The following PSTK variants were observed in gnomAD, a reference collection of about 807,000 sequenced individuals.
The protein encoded by PSTK is L-seryl-tRNA(Sec) kinase.
A neutral mutation model predicts 38.6 loss-of-function variants in PSTK; 26 were observed. The ratio of observed to expected loss-of-function variants is 0.67; its 90% CI spans 0.49 to 0.94. The LOEUF (loss-of-function observed/expected upper bound fraction) is 0.94. PSTK is among the 40% of genes least tolerant of loss of function. The pLI, the probability that PSTK is intolerant of heterozygous loss-of-function variation, is 0.00. For synonymous variants in PSTK, 181 were observed against 161.7 expected (o/e 1.12, Z -0.91); for missense variants, 445 against 436.3 (o/e 1.02, Z -0.18).
intron 3 of PSTK, 53 bp from the exon 4 acceptor site, chr10:122,986,247 A>G: frequency 9.2e-7 from 1 of 1,091,508 alleles, no homozygotes; most frequent in Non-Finnish European, 1.3e-6. Flanking sequence ...AAAAAAAAAA[A>G]GTCAGATGTT....
chr10:122,983,896 C>G (rs1463229566), intron 3 of PSTK: 1 of 165,036 alleles, frequency 6.1e-6, no homozygotes, highest in Non-Finnish European at 1.3e-5. Context: ...GCTATGCTGT[C>G]TAATGCATTT....
intron 5 of PSTK, among the ~76,000 whole-genome samples, chr10:122,989,385 G>T (rs1407107855): frequency 1.3e-5 from 2 of 152,078 alleles, no homozygotes; most frequent in Non-Finnish European, 2.9e-5. Context: ...CCGAGTAGCT[G>T]GGATTACAGG....
intron 5 of PSTK, chr10:122,987,319 T>C (rs931859003): frequency 1.9e-6 from 3 of 1,607,464 alleles, no homozygotes; most frequent in Non-Finnish European, 2.5e-6. Flanking sequence ...GATGGGAGGA[T>C]TTATTTTTAA....
At chr10:122,982,631 A>G (rs1200915534) in intron 1 of PSTK, 102 bp from the exon 2 acceptor site, 1 of 917,088 alleles carries the variant, frequency 1.1e-6, no homozygotes, top group Non-Finnish European at 1.7e-6. Context: ...ATGGTTCCGT[A>G]TTGTGAGCTG....
chr10:122,983,652 G>T (rs1313116861), intron 3 of PSTK, 182 bp downstream of exon 3: 3 of 593,222 alleles, frequency 5.1e-6, no homozygotes, highest in Non-Finnish European at 8.8e-6. Flanking sequence ...TTGAACCCAA[G>T]TTTATTTGCA....
At chr10:122,984,176 T>C (rs1849005085) in intron 3 of PSTK, 1 of 152,312 alleles carries the variant, frequency 6.6e-6, no homozygotes, top group African/African-American at 2.4e-5. Flanking sequence ...AGTTCCTGCA[T>C]ATTGTCCACG....
rs1336178573 is a variant in PSTK, at chr10:122,990,260, G to C, written c.964G>C (p.Gly322Arg). The change falls in exon 6 of 6, where the codon GGA (glycine) becomes CGA (arginine). Residue 322 changes from glycine (G) to arginine (R), a missense_variant. Coordinates refer to ENST00000406217, the MANE Select transcript of PSTK (RefSeq NM_001363531.2). ...KAEFLEDLKQ[G>R]NKKYLCFQQT... Reference sequence around the variant, plus strand: ...AGAGTTTTTGGAAGACCTAAAACAAGGAAACAAAAAATATCTGTGCTTTCA... The same window carrying C: ...AGAGTTTTTGGAAGACCTAAAACAACGAAACAAAAAATATCTGTGCTTTCA... 1 of 1,540,684 alleles carries C rather than the reference G, an allele frequency of 6.5e-7. No individual in the cohort carries two copies. The highest frequency in any genetic ancestry group is 1.4e-5 in the African/African-American group (1 of 72,390).
Position 122,982,796 on chromosome 10 carries a change from G to C in PSTK, c.280G>C (p.Val94Leu), listed in dbSNP as rs147919844. ...GTACCTGGAATACTTCTTGATGGCT[G>C]TCATTAATGGGTGTCAGATGTCTGT... ...LKYLEYFLMA[V>L]INGCQMSVPP... Residue 94 changes from valine (V) to leucine (L), a missense_variant, in exon 2 of 6, where the codon GTC becomes CTC. Coordinates refer to ENST00000406217, the MANE Select transcript of PSTK (RefSeq NM_001363531.2). The C allele has an allele frequency of 6.2e-7, 1 of 1,614,182 alleles. No individual in the cohort carries two copies.
At chr10:122,983,119 T>G in intron 2 of PSTK, 95 bp downstream of exon 2, 1 of 1,275,604 alleles carries the variant, frequency 7.8e-7, no homozygotes, top group Non-Finnish European at 1.1e-6. Context: ...GATTAGGAGG[T>G]TATGTAGATT....
rs1338735933 is a variant in PSTK at position 122,983,417 on chromosome 10, T to G, written c.654T>G (p.Ala218=). Residue 218 remains alanine (A), a synonymous_variant, in exon 3 of 6, where the codon GCT becomes GCG. Transcript: ENST00000406217. ...AAAAGCCCAACCCTGAGAAAAATGCTTGGGAACACAACAGCCTCACAATTC... is the reference window on the plus strand; with the variant it reads ...AAAAGCCCAACCCTGAGAAAAATGCGTGGGAACACAACAGCCTCACAATTC... ...KLEKPNPEKN[A]WEHNSLTIPS... 6.2e-7 allele frequency: 1 copy of G among 1,613,986 alleles called. No individual in the cohort carries two copies. The highest frequency in any genetic ancestry group is 8.5e-7 in the Non-Finnish European group (1 of 1,180,040).
At chr10:122,982,155 G>A (rs1448101503) in intron 1 of PSTK, 3 of 152,292 alleles carry the variant, frequency 2.0e-5, no homozygotes. Flanking sequence ...TTGTTAGCCT[G>A]AGGTCTTTTC....
Position 122,989,990 on chromosome 10 carries a change from G to C in PSTK, c.878-184G>C, listed in dbSNP as rs555898613. On this transcript the variant is annotated intron_variant, in intron 5 of 5. Coordinates refer to ENST00000406217, the MANE Select transcript of PSTK (RefSeq NM_001363531.2). ...TCCTAACAAGTTATTTAAATTCTTT[G>C]ACGTGTTTCAGATGATTTTTGAGTA... is the stretch of plus-strand genomic sequence containing the variant. Among the ~76,000 whole-genome samples, 11 of 152,298 alleles carry C rather than the reference G, an allele frequency of 7.2e-5. No homozygotes were observed. In the South Asian group the frequency reaches 2.3e-3, roughly 32 times the overall value.
At chr10:122,987,029 ACACT>A in intron 5 of PSTK, 67 bp downstream of exon 5, 1 of 1,055,260 alleles carries the variant, frequency 9.5e-7, no homozygotes, top group Non-Finnish European at 1.5e-6. Context: ...GTTATTCCCG[ACACT>A]CAGAGTTTAT....
Position 122,990,286 on chromosome 10 carries a change from G to C in PSTK, c.990G>C (p.Gln330His). Reference protein sequence around the residue: ...KQGNKKYLCFQQTIDIPDVIS... With the variant: ...KQGNKKYLCFHQTIDIPDVIS... The stretch of plus-strand genomic sequence containing the variant: ...GAAACAAAAAATATCTGTGCTTTCA[G>C]CAAACCATTGACATACCAGATGTCA... Residue 330 changes from glutamine to histidine, a missense_variant, in exon 6 of 6, where the codon CAG becomes CAC. Transcript: ENST00000406217. The C allele has an allele frequency of 6.5e-7, 1 of 1,537,526 alleles. No individual in the cohort carries two copies. The highest frequency in any genetic ancestry group is 8.8e-7 in the Non-Finnish European group (1 of 1,142,064).
rs1181085187 is a variant in PSTK at position 122,983,271 on chromosome 10, G to T, written c.509-1G>T. Reference sequence around the variant, plus strand: ...ATTCTATCATTTTAAACTGTTTTCAGATTCGTTGGGCTTTTGCCAGCTCTT... The same window carrying T: ...ATTCTATCATTTTAAACTGTTTTCATATTCGTTGGGCTTTTGCCAGCTCTT... On this transcript the variant is annotated splice_acceptor_variant, in intron 2 of 5. Coordinates refer to ENST00000406217, the MANE Select transcript of PSTK (RefSeq NM_001363531.2). LOFTEE classifies it high-confidence loss of function. 6.2e-7 allele frequency: 1 copy of T among 1,603,224 alleles called. No individual in the cohort carries two copies. The highest frequency in any genetic ancestry group is 2.2e-5 in the East Asian group (1 of 44,798).
chr10:122,980,773 C>G lies in PSTK; in HGVS notation c.216+78C>G. On this transcript the variant is annotated intron_variant, in intron 1 of 5. Coordinates refer to ENST00000406217, the MANE Select transcript of PSTK (RefSeq NM_001363531.2). This position sits in a 1 kb window ranked among gnomAD's most constrained non-coding sequence, Gnocchi z 4.3. ...GGCGGGGCGGGGACACTCGCGTCCA[C>G]GCGGTCCTGGGTGATTTGCCATGAG... is the stretch of plus-strand genomic sequence containing the variant. The G allele has an allele frequency of 7.9e-7, 1 of 1,259,776 alleles. No homozygotes were observed. The highest frequency in any genetic ancestry group is 1.0e-6 in the Non-Finnish European group (1 of 1,004,122). The allele number at this position is 1,259,776 out of a possible 1,614,324, so 78.0% of individuals were successfully genotyped here. A position where few individuals can be genotyped will look rare whatever the true frequency, so the allele number is the denominator to read the frequency against.
chr10:122,987,252 T>C (rs1849047628), intron 5 of PSTK: 1 of 1,498,646 alleles, frequency 6.7e-7, no homozygotes, highest in Admixed American at 2.0e-5. Flanking sequence ...AAAACATGAT[T>C]ACATGAGTAT....
Position 122,980,623 on chromosome 10 carries a change from G to C in PSTK, c.144G>C (p.Trp48Cys). The C allele has an allele frequency of 6.2e-7, 1 of 1,612,024 alleles. No homozygotes were observed. Among genetic ancestry groups the C allele is most frequent in the East Asian group, 2.2e-5 (1 of 44,812 alleles). Residue 48 changes from tryptophan (W) to cysteine (C), a missense_variant, in exon 1 of 6, where the codon TGG becomes TGC. Coordinates refer to ENST00000406217, the MANE Select transcript of PSTK (RefSeq NM_001363531.2). The surrounding 1 kb of genome is among the most constrained non-coding windows in gnomAD (Gnocchi z 4.3). ...LAHRLQQEQG[W>C]AIGVVAYDDV... ...ACCGGCTGCAGCAGGAGCAGGGTTG[G>C]GCCATCGGTGTTGTCGCGTATGATG...
chr10:122,983,325 C>G lies in PSTK; in HGVS notation c.562C>G (p.Gln188Glu). ...FLDCPLETCLQRNGQRPQALP... is the reference protein window; with the variant it reads ...FLDCPLETCLERNGQRPQALP... Reference sequence around the variant, plus strand: ...AGATTGTCCTCTTGAGACCTGTTTACAGAGGAATGGCCAGAGGCCACAGGC... The same window carrying G: ...AGATTGTCCTCTTGAGACCTGTTTAGAGAGGAATGGCCAGAGGCCACAGGC... The change falls in exon 3 of 6, where the codon CAG (glutamine) becomes GAG (glutamate). Residue 188 changes from glutamine (Q) to glutamate (E), a missense_variant. Transcript: ENST00000406217. 2 of 1,614,178 alleles carry G rather than the reference C, an allele frequency of 1.2e-6. No homozygotes were observed. Among genetic ancestry groups the G allele is most frequent in the Middle Eastern group, 1.6e-4 (1 of 6,062 alleles).
Sources: allele counts gnomAD v4.1 joint callset (sites outside exome capture counted in the v4.1 genomes callset), GRCh38; gene constraint gnomAD v4.1.1; non-coding constraint Gnocchi (gnomAD v3.1); transcripts MANE v1.5; gene names NCBI Gene and HGNC (gene_info 2026-07-23, HGNC 2026-07-21).